SH3RF3: variants seen among roughly 807,000 people sequenced by gnomAD.
The protein encoded by SH3RF3 is SH3 domain containing ring finger 3, also known as E3 ubiquitin-protein ligase SH3RF3.
Under a neutral mutation model 66.3 loss-of-function variants are expected in SH3RF3, and 29 were observed. The observed-to-expected ratio is 0.44, with a 90% confidence interval of 0.33 to 0.60. SH3RF3 has a LOEUF of 0.60. Ranked by LOEUF, SH3RF3 falls within the 20% of genes least tolerant of loss-of-function variation. The pLI is 0.04. For synonymous variants in SH3RF3, 583 were observed against 532.0 expected, an observed-to-expected ratio of 1.10 and a Z score of -1.32; for missense variants, 1,194 against 1,190.9, an observed-to-expected ratio of 1.00 and a Z score of -0.04.
intron 2 of SH3RF3, among the ~76,000 whole-genome samples, chr2:109,362,431 T>C (rs1040877921): frequency 5.3e-5 from 8 of 152,180 alleles, no homozygotes; most frequent in African/African-American, 1.2e-4. Context: ...AGAGTAGACA[T>C]TGTATGATTT....
intron 1 of SH3RF3, among the ~76,000 whole-genome samples, chr2:109,256,892 A>G (rs889267886): frequency 2.0e-5 from 3 of 152,052 alleles, no homozygotes; most frequent in African/African-American, 7.2e-5. Context: ...TACCTAATTG[A>G]ATGGCATTTT....
intron 9 of SH3RF3, among the ~76,000 whole-genome samples, chr2:109,497,315 G>C (rs1292446525): frequency 6.6e-6 from 1 of 152,142 alleles, no homozygotes; most frequent in Non-Finnish European, 1.5e-5. Context: ...TGGAGCAAGT[G>C]CTCTGAAAAG....
intron 1 of SH3RF3, among the ~76,000 whole-genome samples, chr2:109,175,251 G>A (rs995228277): frequency 3.3e-5 from 5 of 152,122 alleles, no homozygotes; most frequent in Admixed American, 1.3e-4. Flanking sequence ...TCCTTGCCTG[G>A]CACTTGTACT....
At chr2:109,145,382 C>T (rs560734832) in intron 1 of SH3RF3, among the ~76,000 whole-genome samples, 27 of 152,350 alleles carry the variant, frequency 1.8e-4, no homozygotes, top group Admixed American at 5.2e-4. Context: ...AGCCCTGCCC[C>T]TCTCTTATTC....
chr2:109,269,113 T>C (rs534353712), intron 1 of SH3RF3, among the ~76,000 whole-genome samples: 2 of 152,312 alleles, frequency 1.3e-5, no homozygotes, highest in African/African-American at 4.8e-5. Context: ...GCACGTGGAT[T>C]TTGTGCTGAG....
At chr2:109,459,555 C>T (rs925238288) in intron 8 of SH3RF3, among the ~76,000 whole-genome samples, 1 of 152,166 alleles carries the variant, frequency 6.6e-6, no homozygotes, top group Non-Finnish European at 1.5e-5. Flanking sequence ...AAGGGATCTC[C>T]TGTATCCCAG....
chr2:109,486,739 G>T (rs1160994353), intron 8 of SH3RF3, among the ~76,000 whole-genome samples: 1 of 152,032 alleles, frequency 6.6e-6, no homozygotes, highest in Non-Finnish European at 1.5e-5. Flanking sequence ...AGGGGAGGGG[G>T]AAGCTGGGCA....
rs369331698 is a variant in SH3RF3 at position 109,449,388 on chromosome 2, G to C, written c.2047G>C (p.Ala683Pro). 3.7e-6 allele frequency: 6 copies of C among 1,611,784 alleles called. No individual in the cohort carries two copies. The highest frequency in any genetic ancestry group is 5.1e-6 in the Non-Finnish European group (6 of 1,178,958). ...SAITPPNVSA[A>P]NLNGEAGGGP... ...CATCACACCTCCCAACGTCAGTGCC[G>C]CAAACCTCAACGGGGAGGCTGGAGG... Residue 683 changes from alanine (A) to proline (P), a missense_variant, in exon 8 of 10, where the codon GCA (alanine) becomes CCA (proline). Transcript: ENST00000309415.
At chr2:109,313,207 T>C (rs553760080) in intron 1 of SH3RF3, among the ~76,000 whole-genome samples, 1 of 152,322 alleles carries the variant, frequency 6.6e-6, no homozygotes, top group South Asian at 2.1e-4. Context: ...AGGGAGCTTG[T>C]CTATGCCAGC....
intron 5 of SH3RF3, among the ~76,000 whole-genome samples, chr2:109,425,759 G>A (rs138108980): frequency 1.3e-5 from 2 of 152,228 alleles, no homozygotes; most frequent in Non-Finnish European, 2.9e-5. Flanking sequence ...TTATTCAAGA[G>A]CTCTGATGGA....
Position 109,398,619 on chromosome 2 carries a change from G to C in SH3RF3, c.975G>C (p.Glu325Asp). ...ATGACTCCGCCAAGCAGCTCATTGA[G>C]ATGGACAAGCCATGCCCAGCCGCTG... ...ELNDSAKQLI[E>D]MDKPCPAAAS... Residue 325 changes from glutamate to aspartate, a missense_variant, in exon 4 of 10, where the codon GAG (glutamate) becomes GAC (aspartate). Physicochemically the swap from Glu to Asp is conservative, Grantham distance 45. Transcript: ENST00000309415. The C allele has an allele frequency of 6.3e-7, 1 of 1,587,010 alleles. No homozygotes were observed. Among genetic ancestry groups the C allele is most frequent in the Non-Finnish European group, 8.6e-7 (1 of 1,168,102 alleles).
At chr2:109,142,021 C>T (rs981984424) in intron 1 of SH3RF3, among the ~76,000 whole-genome samples, 1 of 148,850 alleles carries the variant, frequency 6.7e-6, no homozygotes, top group Non-Finnish European at 1.5e-5. Context: ...CCCAAGTCCT[C>T]TTCTGGGGTC....
At chr2:109,225,608 G>A (rs1679356873) in intron 1 of SH3RF3, among the ~76,000 whole-genome samples, 1 of 152,206 alleles carries the variant, frequency 6.6e-6, no homozygotes, top group Non-Finnish European at 1.5e-5. Flanking sequence ...CTTCCCATTT[G>A]CAATGTCTTA....
chr2:109,161,124 A>AT (rs1203863509), intron 1 of SH3RF3, among the ~76,000 whole-genome samples: 7 of 152,184 alleles, frequency 4.6e-5, no homozygotes, highest in African/African-American at 7.2e-5. Flanking sequence ...AGGCTTCCTG[A>AT]TGTATCCTTG....
Position 109,431,703 on chromosome 2 carries a change from C to G in SH3RF3, c.1404-798C>G, listed in dbSNP as rs141739228. Among the ~76,000 whole-genome samples the G allele has an allele frequency of 3.2e-3, 487 of 152,266 alleles. 4 individuals are homozygous for G. The highest frequency in any genetic ancestry group is 0.011 in the African/African-American group (469 of 41,574). On this transcript the variant is annotated intron_variant, in intron 5 of 9. Transcript: ENST00000309415. ...TCTGGGCAACATAGTGGGACCCCAT[C>G]TTTACAAAAAATAAAAAACTTAGCC...
chr2:109,367,997 A>G (rs1315425575), intron 2 of SH3RF3, among the ~76,000 whole-genome samples: 2 of 152,270 alleles, frequency 1.3e-5, no homozygotes, highest in Admixed American at 6.5e-5. Flanking sequence ...TTGACAGGCA[A>G]AGGAACAAAA....
At chr2:109,370,479 AT>A (rs2105677067) in intron 2 of SH3RF3, among the ~76,000 whole-genome samples, 1 of 151,826 alleles carries the variant, frequency 6.6e-6, no homozygotes, top group South Asian at 2.1e-4. Flanking sequence ...ATCTCAGGTG[AT>A]CACCCGCCTC....
chr2:109,374,343 C>T (rs1196686330), intron 3 of SH3RF3, among the ~76,000 whole-genome samples: 1 of 152,170 alleles, frequency 6.6e-6, no homozygotes, highest in African/African-American at 2.4e-5. Context: ...ATACAGGCTC[C>T]CGGACTCTCA....
At chr2:109,148,842 GT>G (rs35176758) in intron 1 of SH3RF3, among the ~76,000 whole-genome samples, 104,006 of 151,498 alleles carry the variant, frequency 0.69, 36,591 homozygotes, top group Non-Finnish European at 0.72. Flanking sequence ...TCATGGCAGT[GT>G]TTTTTTTTAA....
Sources: gnomAD v4.1 joint callset for allele counts (sites outside exome capture counted in the v4.1 genomes callset) on GRCh38, gnomAD v4.1.1 for gene constraint, MANE v1.5 for transcripts, NCBI Gene and HGNC (gene_info 2026-07-23, HGNC 2026-07-21) for gene names.